SNAPC1: variants seen among roughly 807,000 people sequenced by gnomAD.
The protein encoded by SNAPC1 is snRNA-activating protein complex subunit 1.
Under a neutral mutation model 50.1 loss-of-function variants are expected in SNAPC1, and 42 were observed. The ratio of observed to expected loss-of-function variants is 0.84; its 90% CI spans 0.65 to 1.08. SNAPC1 has a LOEUF of 1.08. Among genes scored for constraint, SNAPC1 ranks in the 50% least tolerant of loss-of-function variants. The pLI is 0.00. For synonymous variants in SNAPC1, 164 were observed against 144.2 expected, an observed-to-expected ratio of 1.14 and a Z score of -0.98; for missense variants, 477 against 427.3, an observed-to-expected ratio of 1.12 and a Z score of -1.02.
At chr14:61,787,840 ATAGT>A (rs1363383393) in intron 8 of SNAPC1, among the ~76,000 whole-genome samples, 5 of 152,362 alleles carry the variant, frequency 3.3e-5, no homozygotes, top group South Asian at 2.1e-4. Flanking sequence ...AGTACCAAAG[ATAGT>A]TAGGTTTAGA....
At chr14:61,783,080 T>A (rs2045089058) in intron 8 of SNAPC1, among the ~76,000 whole-genome samples, 1 of 141,260 alleles carries the variant, frequency 7.1e-6, no homozygotes, top group Admixed American at 7.6e-5. Flanking sequence ...CGGAGTGCAA[T>A]GGCACGATCT....
At chr14:61,780,819 T>C (rs1257670033) in intron 7 of SNAPC1, among the ~76,000 whole-genome samples, 2 of 152,160 alleles carry the variant, frequency 1.3e-5, no homozygotes, top group African/African-American at 4.8e-5. Context: ...ACCATTCTGT[T>C]TTGGTTACTG....
intron 8 of SNAPC1, among the ~76,000 whole-genome samples, chr14:61,788,017 A>G (rs2045127189): frequency 6.6e-6 from 1 of 152,136 alleles, no homozygotes; most frequent in Admixed American, 6.6e-5. Flanking sequence ...GTTAAATGAA[A>G]TTAACTTTCA....
intron 8 of SNAPC1, among the ~76,000 whole-genome samples, chr14:61,783,527 G>GTT (rs1566591960): frequency 8.7e-5 from 11 of 127,152 alleles, no homozygotes; most frequent in South Asian, 2.7e-4. Flanking sequence ...AGTTTGGTTT[G>GTT]GTTTTTTTTT....
rs758764345 is a variant in SNAPC1 at position 61,768,631 on chromosome 14, C to T, written c.430-5C>T. The T allele has an allele frequency of 1.3e-5, 19 of 1,468,880 alleles. No individual in the cohort carries two copies. The Admixed American group carries it at 1.7e-4, about 13-fold the overall frequency. The allele number at this position is 1,468,880 out of a possible 1,614,324, so 91.0% of individuals were successfully genotyped here. On this transcript the variant is annotated splice_polypyrimidine_tract_variant and splice_region_variant and intron_variant, in intron 3 of 9. Coordinates refer to ENST00000216294, the MANE Select transcript of SNAPC1 (RefSeq NM_003082.4). ...TCATTTAAAAAGACACGTATTATCA[C>T]ATAGCTGTCATATAGGATGAAGAAA...
chr14:61,793,612 C>T (rs1391798780), intron 9 of SNAPC1, among the ~76,000 whole-genome samples: 1 of 151,078 alleles, frequency 6.6e-6, no homozygotes, highest in Non-Finnish European at 1.5e-5. Context: ...CTGCCATTTC[C>T]CTTTTGTTTT....
At chr14:61,777,331 T>C (rs2045041898) in intron 5 of SNAPC1, among the ~76,000 whole-genome samples, 1 of 152,202 alleles carries the variant, frequency 6.6e-6, no homozygotes, top group South Asian at 2.1e-4. Flanking sequence ...TACAAATAGG[T>C]TACACAAATG....
At chr14:61,781,527 C>A (rs2045072812) in intron 7 of SNAPC1, among the ~76,000 whole-genome samples, 1 of 150,662 alleles carries the variant, frequency 6.6e-6, no homozygotes, top group African/African-American at 2.4e-5. Context: ...ACTGAAAATT[C>A]TTTGCTTAAG....
In SNAPC1 at chr14:61,782,292, G is replaced by A. The variant is rs1364310725; in HGVS notation, c.871G>A (p.Asp291Asn). 6.2e-7 allele frequency: 1 copy of A among 1,612,036 alleles called. No homozygotes were observed. The highest frequency in any genetic ancestry group is 1.7e-5 in the Admixed American group (1 of 59,476). ...RHRQVKLDSS[D>N]SDSASGQGQV... Reference sequence around the variant, plus strand: ...TCGTCAAGTCAAACTCGACTCTTCTGACTCTGATTCTGCATCTGGTCAAGG... The same window carrying A: ...TCGTCAAGTCAAACTCGACTCTTCTAACTCTGATTCTGCATCTGGTCAAGG... Residue 291 changes from aspartate to asparagine, a missense_variant, in exon 8 of 10, where the codon GAC (aspartate) becomes AAC (asparagine). Coordinates refer to ENST00000216294, the MANE Select transcript of SNAPC1 (RefSeq NM_003082.4).
rs769224355 is a variant in SNAPC1, at chr14:61,762,422, A to T, written c.-39A>T. 1 of 1,603,332 alleles carries T rather than the reference A, an allele frequency of 6.2e-7. No homozygotes were observed. Among genetic ancestry groups the T allele is most frequent in the South Asian group, 1.1e-5 (1 of 90,762 alleles). On this transcript the variant is annotated 5_prime_UTR_variant, in exon 1 of 10. Transcript: ENST00000216294. ...CGACCACCGCTGGCTAGTCCGTTAG[A>T]GGCGTGCGGGCTTCGGAGGCGTGCG...
At chr14:61,787,727 T>G (rs1012045209) in intron 8 of SNAPC1, among the ~76,000 whole-genome samples, 1 of 152,232 alleles carries the variant, frequency 6.6e-6, no homozygotes, top group African/African-American at 2.4e-5. Context: ...AATTTGGTTT[T>G]CAGTCTTGTC....
At chr14:61,769,409 T>TC (rs554543004) in intron 4 of SNAPC1, among the ~76,000 whole-genome samples, 15,395 of 145,228 alleles carry the variant, frequency 0.11, 1,038 homozygotes, top group Non-Finnish European at 0.16. Flanking sequence ...TTTTTTTTTT[T>TC]TTTTCTCACA....
At chr14:61,778,013 TAATTG>T (rs1367052892) in intron 5 of SNAPC1, 54 bp from the exon 6 acceptor site, 18 of 767,284 alleles carry the variant, frequency 2.3e-5, no homozygotes, top group Admixed American at 9.1e-5. Context: ...GATTTGCAGT[TAATTG>T]AATTGTAAAT....
At chr14:61,774,890 A>C (rs2045023457) in intron 4 of SNAPC1, among the ~76,000 whole-genome samples, 1 of 151,710 alleles carries the variant, frequency 6.6e-6, no homozygotes, top group Admixed American at 6.6e-5. Context: ...CTCGAACTCC[A>C]GACCTCAGGT....
chr14:61,785,483 C>T (rs137954144), intron 8 of SNAPC1, among the ~76,000 whole-genome samples: 297 of 152,184 alleles, frequency 2.0e-3, no homozygotes, highest in African/African-American at 7.0e-3. Context: ...TCTACTGAGA[C>T]CCCAGAATAT....
intron 8 of SNAPC1, among the ~76,000 whole-genome samples, chr14:61,792,058 GCGCCAC>G: frequency 2.0e-5 from 3 of 150,542 alleles, no homozygotes; most frequent in African/African-American, 7.4e-5. Flanking sequence ...AGCCAAGATC[GCGCCAC>G]TGCACTGCAG....
chr14:61,792,838 A>G lies in SNAPC1; in HGVS notation c.1008A>G (p.Lys336=), dbSNP rs1437253694. 1.9e-6 allele frequency: 3 copies of G among 1,596,612 alleles called. No homozygotes were observed. Among genetic ancestry groups the G allele is most frequent in the African/African-American group, 2.7e-5 (2 of 74,348 alleles). The stretch of plus-strand genomic sequence containing the variant: ...TGCAGAATATACACAAGGAAGATAA[A>G]CCTTTAAGTCTGAGTATGCCTGTAA... ...GNVQNIHKED[K]PLSLSMPVIT... is the part of the protein sequence containing the mutation. The change falls in exon 9 of 10, where the codon AAA becomes AAG. Residue 336 remains lysine, a synonymous_variant. Transcript: ENST00000216294.
At chr14:61,790,257 T>C (rs1246585944) in intron 8 of SNAPC1, among the ~76,000 whole-genome samples, 2 of 152,222 alleles carry the variant, frequency 1.3e-5, no homozygotes, top group African/African-American at 4.8e-5. Flanking sequence ...TGCTCACCAT[T>C]CCTCGAATAT....
At chr14:61,773,397 G>GTTTTTTTT (rs58782943) in intron 4 of SNAPC1, among the ~76,000 whole-genome samples, 1 of 99,324 alleles carries the variant, frequency 1.0e-5, no homozygotes, top group Non-Finnish European at 1.9e-5. Flanking sequence ...TATTTCCTTA[G>GTTTTTTTT]TTTTTTTTTT....
Sources: gnomAD v4.1 joint callset for allele counts (sites outside exome capture counted in the v4.1 genomes callset) on GRCh38, gnomAD v4.1.1 for gene constraint, MANE v1.5 for transcripts, NCBI Gene and HGNC (gene_info 2026-07-23, HGNC 2026-07-21) for gene names.